The following AOPEP variants were observed in gnomAD, a reference collection of about 807,000 sequenced individuals.
AOPEP encodes the protein aminopeptidase O (putative), also known as aminopeptidase O.
A neutral mutation model predicts 98.1 loss-of-function variants in AOPEP; 77 were observed. The ratio of observed to expected loss-of-function variants is 0.78; its 90% CI spans 0.65 to 0.95. The LOEUF is 0.95. Ranked by LOEUF, AOPEP falls within the 40% of genes least tolerant of loss-of-function variation. AOPEP has a pLI of 0.00. For synonymous variants in AOPEP, 346 were observed against 365.3 expected, an observed-to-expected ratio of 0.95 and a Z score of 0.60; for missense variants, 1,024 against 1,024.7, an observed-to-expected ratio of 1.00 and a Z score of 0.01.
In AOPEP at chr9:94,897,353, T is replaced by C. The variant is rs183068934; in HGVS notation, c.1365-26633T>C. On this transcript the variant is annotated intron_variant, in intron 5 of 16. Transcript: ENST00000375315. ...AAGATGGACTGATCAATAAATGTTA[T>C]TGAGACATCCGATTCACAATTTGGA... is the stretch of plus-strand genomic sequence containing the variant. Among the ~76,000 whole-genome samples, 45 of 152,286 alleles carry C rather than the reference T, an allele frequency of 3.0e-4. 1 individual carries two copies. Among genetic ancestry groups the C allele is most frequent in the East Asian group, 2.5e-3 (13 of 5,188 alleles).
At chr9:94,882,395 A>G (rs1454303296) in intron 5 of AOPEP, among the ~76,000 whole-genome samples, 3 of 147,482 alleles carry the variant, frequency 2.0e-5, no homozygotes, top group Admixed American at 2.0e-4. Flanking sequence ...CATACCAATT[A>G]AAGAACACAT....
chr9:94,999,765 G>A (rs967996454), intron 11 of AOPEP, among the ~76,000 whole-genome samples: 1 of 151,942 alleles, frequency 6.6e-6, no homozygotes. Flanking sequence ...AAGAATCTGT[G>A]AACATCCTGA....
chr9:95,106,235 A>G, the AOPEP span, among the ~76,000 whole-genome samples: 1 of 152,122 alleles, frequency 6.6e-6, no homozygotes, highest in African/African-American at 2.4e-5. Flanking sequence ...ATCTCCCCAC[A>G]TGCCTACTGG....
At chr9:95,006,981 A>C (rs1462066488) in intron 13 of AOPEP, among the ~76,000 whole-genome samples, 1 of 150,650 alleles carries the variant, frequency 6.6e-6, no homozygotes, top group African/African-American at 2.4e-5. Context: ...GGCTCATTGA[A>C]GCCTCGGCCT....
intron 4 of AOPEP, 108 bp from the exon 5 acceptor site, chr9:94,800,649 T>A (rs1848013105): frequency 1.8e-6 from 2 of 1,142,582 alleles, no homozygotes; most frequent in Non-Finnish European, 2.6e-6. Context: ...TGCTTGTGAG[T>A]CTGTCTGAAC....
chr9:95,123,391 G>C, the AOPEP span: 1 of 440,210 alleles, frequency 2.3e-6, no homozygotes, highest in Non-Finnish European at 4.5e-6. Context: ...TGTAACCCCA[G>C]CACTTTGGGA....
intron 16 of AOPEP, chr9:95,085,295 C>T (rs749058037): frequency 4.4e-5 from 21 of 482,648 alleles, no homozygotes; most frequent in South Asian, 2.0e-4. Flanking sequence ...CACGCAACCA[C>T]GACCTTGGCT....
the AOPEP span, chr9:95,117,273 C>T: frequency 2.5e-5 from 40 of 1,571,920 alleles, no homozygotes; most frequent in Non-Finnish European, 3.4e-5. Flanking sequence ...ATGCTCTTCC[C>T]AGGAAATCAT....
At chr9:94,790,314 G>A (rs958092799) in intron 3 of AOPEP, among the ~76,000 whole-genome samples, 6 of 151,694 alleles carry the variant, frequency 4.0e-5, no homozygotes, top group African/African-American at 1.2e-4. Flanking sequence ...TTACAGGCAC[G>A]TGCCATCACA....
chr9:94,729,043 A>G (rs1418018533), intron 1 of AOPEP, among the ~76,000 whole-genome samples: 1 of 151,618 alleles, frequency 6.6e-6, no homozygotes, highest in African/African-American at 2.4e-5. Flanking sequence ...CCTGTCCAGG[A>G]AAGTTGGTGT....
chr9:94,815,412 C>T (rs550177551), intron 5 of AOPEP, among the ~76,000 whole-genome samples: 1 of 152,294 alleles, frequency 6.6e-6, no homozygotes, highest in South Asian at 2.1e-4. Context: ...TAACTTGCCC[C>T]TGTGTCAATT....
chr9:94,937,378 C>A (rs1439065404), intron 7 of AOPEP, among the ~76,000 whole-genome samples: 1 of 152,190 alleles, frequency 6.6e-6, no homozygotes, highest in African/African-American at 2.4e-5. Context: ...CCCTCGTGTC[C>A]CTCTGTATGT....
intron 13 of AOPEP, among the ~76,000 whole-genome samples, chr9:95,027,601 C>G (rs1051998241): frequency 6.6e-6 from 1 of 152,048 alleles, no homozygotes; most frequent in African/African-American, 2.4e-5. Flanking sequence ...GTCTGTAGAG[C>G]CATGTTTTGG....
At chr9:95,039,736 C>A (rs895347059) in intron 13 of AOPEP, among the ~76,000 whole-genome samples, 17 of 150,410 alleles carry the variant, frequency 1.1e-4, no homozygotes, top group Non-Finnish European at 2.2e-4. Context: ...AGACATGTTT[C>A]TTCATTCATT....
intron 9 of AOPEP, among the ~76,000 whole-genome samples, chr9:94,967,155 C>A (rs1171820335): frequency 1.3e-5 from 2 of 151,876 alleles, no homozygotes; most frequent in Non-Finnish European, 2.9e-5. Context: ...TGTGTGTAAG[C>A]CATGCCTTTA....
intron 16 of AOPEP, 56 bp from the exon 17 acceptor site, chr9:95,086,626 C>CA (rs1288093908): frequency 1.0e-6 from 1 of 987,436 alleles, no homozygotes; most frequent in African/African-American, 1.7e-5. Context: ...GGTGCGCGCT[C>CA]ACAAGAATTC....
At chr9:95,107,776 T>TCATA in the AOPEP span, among the ~76,000 whole-genome samples, 2 of 152,082 alleles carry the variant, frequency 1.3e-5, no homozygotes. Context: ...ACAAGCACGG[T>TCATA]CATACACACA....
At chr9:95,093,440 A>G in the AOPEP span, among the ~76,000 whole-genome samples, 1 of 152,194 alleles carries the variant, frequency 6.6e-6, no homozygotes, top group Non-Finnish European at 1.5e-5. Flanking sequence ...GTCTCCTTTT[A>G]AAGTTACAGA....
intron 5 of AOPEP, among the ~76,000 whole-genome samples, chr9:94,915,699 G>C (rs1420369290): frequency 6.6e-6 from 1 of 152,222 alleles, no homozygotes; most frequent in African/African-American, 2.4e-5. Flanking sequence ...GACCAGCCTT[G>C]CTACTTCGTG....
Sources: allele counts gnomAD v4.1 joint callset (sites outside exome capture counted in the v4.1 genomes callset), GRCh38; gene constraint gnomAD v4.1.1; transcripts MANE v1.5; gene names NCBI Gene and HGNC (gene_info 2026-07-23, HGNC 2026-07-21).